TRHR: variants seen among roughly 807,000 people sequenced by gnomAD.
The protein encoded by TRHR is thyrotropin releasing hormone receptor.
A neutral mutation model predicts 28.0 loss-of-function variants in TRHR; 14 were observed. That is an observed-to-expected ratio of 0.50 (90% CI 0.33 to 0.78). The LOEUF (loss-of-function observed/expected upper bound fraction) is 0.78, where lower values mean the gene tolerates loss of function less well. Ranked by LOEUF, TRHR falls within the 30% of genes least tolerant of loss-of-function variation. The pLI is 0.02. For missense variants in TRHR, 438 were observed against 469.5 expected (o/e 0.93, Z 0.62); for synonymous variants, 176 against 171.9 (o/e 1.02, Z -0.18).
intron 2 of TRHR, 40 bp from the exon 3 acceptor site, chr8:109,119,008 C>T (rs757317868): frequency 6.2e-7 from 1 of 1,611,210 alleles, no homozygotes; most frequent in East Asian, 2.2e-5. Flanking sequence ...GTTTTGTTTT[C>T]ATTTGTGTTT....
At chr8:109,092,247 G>A (rs771336649) in intron 2 of TRHR, among the ~76,000 whole-genome samples, 21 of 151,820 alleles carry the variant, frequency 1.4e-4, no homozygotes, top group Non-Finnish European at 2.7e-4. Flanking sequence ...ATGTAACATA[G>A]TCTTAATAGA....
intron 2 of TRHR, among the ~76,000 whole-genome samples, chr8:109,096,807 AC>A (rs1414776826): frequency 6.6e-6 from 1 of 152,140 alleles, no homozygotes; most frequent in African/African-American, 2.4e-5. Context: ...ATATAAAAAA[AC>A]ATGTAATTTT....
intron 2 of TRHR, among the ~76,000 whole-genome samples, chr8:109,107,393 G>A (rs898956102): frequency 4.6e-5 from 7 of 152,106 alleles, no homozygotes; most frequent in African/African-American, 9.7e-5. Flanking sequence ...ATATACTGAG[G>A]TTTACAAGGC....
intron 2 of TRHR, among the ~76,000 whole-genome samples, chr8:109,089,594 G>A (rs1355074752): frequency 6.6e-6 from 1 of 152,068 alleles, no homozygotes; most frequent in Non-Finnish European, 1.5e-5. Flanking sequence ...AAGATAACTA[G>A]ATGACAGAAG....
chr8:109,096,532 A>G (rs1811595012), intron 2 of TRHR, among the ~76,000 whole-genome samples: 1 of 152,140 alleles, frequency 6.6e-6, no homozygotes, highest in South Asian at 2.1e-4. Context: ...TAGGTTCCCC[A>G]AAGTGTACAC....
chr8:109,107,226 A>G (rs1811765254), intron 2 of TRHR, among the ~76,000 whole-genome samples: 1 of 152,196 alleles, frequency 6.6e-6, no homozygotes, highest in East Asian at 1.9e-4. Flanking sequence ...TTCATCTGTC[A>G]TTTGGTTAAA....
In TRHR at chr8:109,119,245, A is replaced by C. The variant is rs369937363; in HGVS notation, c.987A>C (p.Ala329=). ...ATCTCATGTCCCAGAAATTCCGTGC[A>C]GCCTTCAGAAAGCTCTGCAACTGCA... ...IYNLMSQKFR[A]AFRKLCNCKQ... Residue 329 remains alanine (A), a synonymous_variant, in exon 3 of 3, where the codon GCA becomes GCC. Transcript: ENST00000518632. 1.3e-5 allele frequency: 21 copies of C among 1,612,832 alleles called. No individual in the cohort carries two copies. Among genetic ancestry groups the C allele is most frequent in the Non-Finnish European group, 1.8e-5 (21 of 1,179,292 alleles).
chr8:109,106,461 CTTTATTTTTCCTAAG>C (rs1288125068), intron 2 of TRHR, among the ~76,000 whole-genome samples: 1 of 152,116 alleles, frequency 6.6e-6, no homozygotes, highest in Non-Finnish European at 1.5e-5. Context: ...TCCCTTAGCT[CTTTATTTTTCCTAAG>C]TTCTTCATAA....
chr8:109,114,374 C>T (rs1221297797), intron 2 of TRHR, among the ~76,000 whole-genome samples: 1 of 152,030 alleles, frequency 6.6e-6, no homozygotes, highest in Non-Finnish European at 1.5e-5. Context: ...CTGCCTGCTT[C>T]TGTGTTGACT....
chr8:109,118,914 C>T, intron 2 of TRHR, 134 bp from the exon 3 acceptor site: 1 of 1,104,658 alleles, frequency 9.1e-7, no homozygotes, highest in Non-Finnish European at 1.4e-6. Context: ...GATCACCTCC[C>T]CAATAAATGA....
intron 2 of TRHR, among the ~76,000 whole-genome samples, chr8:109,106,875 A>G (rs1811759072): frequency 6.6e-6 from 1 of 152,134 alleles, no homozygotes; most frequent in Non-Finnish European, 1.5e-5. Flanking sequence ...CCTTGCAGGT[A>G]AAGGAGTGGA....
chr8:109,100,114 G>A (rs1811655879), intron 2 of TRHR, among the ~76,000 whole-genome samples: 1 of 152,178 alleles, frequency 6.6e-6, no homozygotes, highest in Admixed American at 6.5e-5. Context: ...TCCTCTGATA[G>A]GAGTTCGGCT....
At chr8:109,101,494 T>C (rs1235124684) in intron 2 of TRHR, among the ~76,000 whole-genome samples, 1 of 152,178 alleles carries the variant, frequency 6.6e-6, no homozygotes, top group African/African-American at 2.4e-5. Flanking sequence ...AAAAGAATGA[T>C]AACAGTACCT....
chr8:109,095,137 C>G (rs1474443190), intron 2 of TRHR, among the ~76,000 whole-genome samples: 1 of 151,996 alleles, frequency 6.6e-6, no homozygotes, highest in East Asian at 1.9e-4. Context: ...TCATTCACAT[C>G]CAAAAAGCCC....
chr8:109,096,536 T>C (rs1384409647), intron 2 of TRHR, among the ~76,000 whole-genome samples: 1 of 152,144 alleles, frequency 6.6e-6, no homozygotes, highest in East Asian at 1.9e-4. Context: ...TTCCCCAAAG[T>C]GTACACACTC....
At chr8:109,097,487 A>G (rs1811612440) in intron 2 of TRHR, among the ~76,000 whole-genome samples, 1 of 152,198 alleles carries the variant, frequency 6.6e-6, no homozygotes, top group Admixed American at 6.5e-5. Context: ...TCTAAAAAGA[A>G]CCAATAATAC....
At chr8:109,101,544 A>G (rs1482382320) in intron 2 of TRHR, among the ~76,000 whole-genome samples, 2 of 152,152 alleles carry the variant, frequency 1.3e-5, no homozygotes, top group Non-Finnish European at 2.9e-5. Context: ...GCAAAATTTC[A>G]TATACAGTAC....
At chr8:109,094,240 T>A (rs1811556484) in intron 2 of TRHR, among the ~76,000 whole-genome samples, 1 of 152,188 alleles carries the variant, frequency 6.6e-6, no homozygotes, top group Non-Finnish European at 1.5e-5. Flanking sequence ...TCTTTCATTT[T>A]TTTTTTTTCA....
rs533067775 is a variant in TRHR, at chr8:109,119,894, T to G, written c.*439T>G. 6.6e-6 allele frequency among the ~76,000 whole-genome samples: 1 copy of G among 152,046 alleles called. No individual in the cohort carries two copies. The highest frequency in any genetic ancestry group is 2.1e-4 in the South Asian group (1 of 4,824). On this transcript the variant is annotated 3_prime_UTR_variant, in exon 3 of 3. Transcript: ENST00000518632. The stretch of plus-strand genomic sequence containing the variant: ...AAATGTTTGCATTTAGTATTCATTT[T>G]AACATAGTACAGGGCTAGTTCATGA...
Sources: allele counts gnomAD v4.1 joint callset (sites outside exome capture counted in the v4.1 genomes callset), GRCh38; gene constraint gnomAD v4.1.1; transcripts MANE v1.5; gene names NCBI Gene and HGNC (gene_info 2026-07-23, HGNC 2026-07-21).